The following AGBL4 variants were observed in gnomAD, a reference collection of about 807,000 sequenced individuals.
AGBL4 encodes AGBL carboxypeptidase 4, also known as cytosolic carboxypeptidase 6.
AGBL4 carries 58 observed loss-of-function variants against 66.4 expected under a neutral mutation model. The observed-to-expected ratio is 0.87, with a 90% CI of 0.71 to 1.09. The LOEUF (loss-of-function observed/expected upper bound fraction) is 1.09. Ranked by LOEUF, AGBL4 falls within the 50% of genes least tolerant of loss-of-function variation. The probability of loss-of-function intolerance (pLI) is 0.00; values close to 1 mark genes in which losing one functional copy is unlikely to be tolerated. For synonymous variants in AGBL4, 234 were observed against 222.9 expected, an observed-to-expected ratio of 1.05 and a Z score of -0.44; for missense variants, 579 against 631.0, an observed-to-expected ratio of 0.92 and a Z score of 0.88.
rs558552846 is a variant in AGBL4, at chr1:49,694,253, T to A, written c.282+3060A>T. ...AATTTGAGAGATGAAAAAAAGATTA[T>A]AGAAAGAGATGCTATAAAAACAGAC... On this transcript the variant is annotated intron_variant, in intron 3 of 13. Coordinates refer to ENST00000371839, the MANE Select transcript of AGBL4 (RefSeq NM_032785.4). Among the ~76,000 whole-genome samples, 16 of 152,212 alleles carry A rather than the reference T, an allele frequency of 1.1e-4. No homozygotes were observed. The East Asian group carries it at 1.2e-3, about 11-fold the overall frequency.
intron 11 of AGBL4, 31 bp from the exon 12 acceptor site, chr1:48,539,769 G>T (rs1038175708): frequency 1.4e-6 from 2 of 1,417,292 alleles, no homozygotes; most frequent in Non-Finnish European, 1.9e-6. Flanking sequence ...GAGCAACTTC[G>T]AAAACAGATT....
intron 3 of AGBL4, among the ~76,000 whole-genome samples, chr1:49,458,829 TG>T (rs1646446918): frequency 6.6e-6 from 1 of 151,892 alleles, no homozygotes; most frequent in African/African-American, 2.4e-5. Flanking sequence ...AGGTGATTTT[TG>T]TTTTTAATTG....
intron 3 of AGBL4, among the ~76,000 whole-genome samples, chr1:49,507,866 C>G (rs897404014): frequency 1.3e-4 from 19 of 151,816 alleles, no homozygotes; most frequent in Middle Eastern, 3.4e-3. Context: ...TCCTACCACT[C>G]TGAAACTTAA....
At chr1:49,667,553 T>C (rs1055117227) in intron 3 of AGBL4, among the ~76,000 whole-genome samples, 1 of 152,130 alleles carries the variant, frequency 6.6e-6, no homozygotes, top group African/African-American at 2.4e-5. Context: ...AATAACAGTA[T>C]AGAATATAAT....
chr1:49,687,391 TTAA>T (rs1341779098), intron 3 of AGBL4, among the ~76,000 whole-genome samples: 6 of 152,164 alleles, frequency 3.9e-5, no homozygotes, highest in South Asian at 4.1e-4. Flanking sequence ...TAATATGAAC[TTAA>T]TAATAGGAAT....
chr1:48,642,979 T>C (rs929545739), intron 8 of AGBL4, among the ~76,000 whole-genome samples: 2 of 152,236 alleles, frequency 1.3e-5, no homozygotes, highest in Admixed American at 1.3e-4. Context: ...TGGCTGAACC[T>C]CTCTGTGCCT....
At chr1:48,671,725 G>A (rs1646279940) in intron 6 of AGBL4, among the ~76,000 whole-genome samples, 1 of 152,238 alleles carries the variant, frequency 6.6e-6, no homozygotes, top group Non-Finnish European at 1.5e-5. Context: ...CAGAAAGTGA[G>A]GTCACTAGAC....
intron 1 of AGBL4, among the ~76,000 whole-genome samples, chr1:49,863,838 A>G (rs774499259): frequency 1.3e-5 from 2 of 152,216 alleles, no homozygotes; most frequent in Non-Finnish European, 2.9e-5. Flanking sequence ...GGGAATGTAC[A>G]TTAGTCCAAC....
intron 1 of AGBL4, among the ~76,000 whole-genome samples, chr1:49,913,966 C>T (rs1651125347): frequency 6.6e-6 from 1 of 152,218 alleles, no homozygotes. Context: ...AGCTCTGGAC[C>T]TGTAATGGAA....
chr1:49,860,789 A>G (rs951619547), intron 1 of AGBL4, among the ~76,000 whole-genome samples: 1 of 152,038 alleles, frequency 6.6e-6, no homozygotes, highest in Non-Finnish European at 1.5e-5. Context: ...ACAAAAAACA[A>G]AAAACAAGTT....
chr1:49,006,517 A>T (rs1295189407), intron 5 of AGBL4, among the ~76,000 whole-genome samples: 8 of 152,224 alleles, frequency 5.3e-5, no homozygotes, highest in Non-Finnish European at 1.0e-4. Flanking sequence ...AACTGGGTGG[A>T]GCCCACCACA....
chr1:48,577,742 T>A (rs1434268478), intron 11 of AGBL4, among the ~76,000 whole-genome samples: 1 of 152,078 alleles, frequency 6.6e-6, no homozygotes, highest in African/African-American at 2.4e-5. Flanking sequence ...AACTGGGCTA[T>A]CAGGGATTGC....
At chr1:49,158,637 T>C (rs1646480620) in intron 4 of AGBL4, among the ~76,000 whole-genome samples, 1 of 152,088 alleles carries the variant, frequency 6.6e-6, no homozygotes, top group South Asian at 2.1e-4. Flanking sequence ...ATTTTCTGTC[T>C]TGTTGATCTG....
chr1:49,288,304 T>C (rs1644463564), intron 3 of AGBL4, among the ~76,000 whole-genome samples: 1 of 150,764 alleles, frequency 6.6e-6, no homozygotes, highest in South Asian at 2.1e-4. Context: ...GCATGGCACA[T>C]GTATACATAT....
chr1:49,890,759 A>T (rs911266894), intron 1 of AGBL4, among the ~76,000 whole-genome samples: 7 of 152,188 alleles, frequency 4.6e-5, no homozygotes, highest in African/African-American at 1.7e-4. Flanking sequence ...TTCACCAGCC[A>T]AAAACAGAAA....
chr1:49,958,356 AG>A (rs1214935439), intron 1 of AGBL4, among the ~76,000 whole-genome samples: 35 of 151,914 alleles, frequency 2.3e-4, no homozygotes, highest in African/African-American at 8.5e-4. Context: ...GCTCTTCTTG[AG>A]GAGTATCTTT....
intron 6 of AGBL4, among the ~76,000 whole-genome samples, chr1:48,719,220 T>A (rs945004552): frequency 6.6e-6 from 1 of 152,130 alleles, no homozygotes; most frequent in Non-Finnish European, 1.5e-5. Context: ...ATGCTGTGTC[T>A]GACACACCTC....
intron 6 of AGBL4, among the ~76,000 whole-genome samples, chr1:48,682,483 A>C (rs147034626): frequency 0.038 from 5,773 of 150,116 alleles, 365 homozygotes; most frequent in African/African-American, 0.13. Context: ...ATCATGGCTC[A>C]CTGCAGCCTC....
intron 2 of AGBL4, among the ~76,000 whole-genome samples, chr1:49,789,038 G>C (rs1416462073): frequency 6.6e-6 from 1 of 152,190 alleles, no homozygotes; most frequent in Non-Finnish European, 1.5e-5. Context: ...TTTATTGAGA[G>C]TTTTGAGCAT....
Sources: allele counts gnomAD v4.1 joint callset (sites outside exome capture counted in the v4.1 genomes callset), GRCh38; gene constraint gnomAD v4.1.1; transcripts MANE v1.5; gene names NCBI Gene and HGNC (gene_info 2026-07-23, HGNC 2026-07-21).